Variants in KIF7 observed in about 807,000 individuals in gnomAD.
The protein encoded by KIF7 is kinesin family member 7.
In KIF7, 104 loss-of-function variants were observed where a neutral mutation model predicts 135.7. The observed-to-expected ratio is 0.77, with a 90% CI of 0.65 to 0.90. The LOEUF (loss-of-function observed/expected upper bound fraction) is 0.90, where lower values mean the gene tolerates loss of function less well. Among genes scored for constraint, KIF7 ranks in the 40% least tolerant of loss-of-function variants. The pLI, the probability that KIF7 is intolerant of heterozygous loss-of-function variation, is 0.00. For missense variants in KIF7, 2,005 were observed against 1,839.1 expected (o/e 1.09, Z -1.65); for synonymous variants, 883 against 809.4 (o/e 1.09, Z -1.54).
At chr15:89,643,454 G>A (rs1963957409) in intron 10 of KIF7, among the ~76,000 whole-genome samples, 1 of 152,144 alleles carries the variant, frequency 6.6e-6, no homozygotes, top group African/African-American at 2.4e-5. Flanking sequence ...CATTCACGGG[G>A]TCCTGGAACC....
intron 10 of KIF7, among the ~76,000 whole-genome samples, chr15:89,644,308 C>G (rs935639125): frequency 6.6e-6 from 1 of 152,216 alleles, no homozygotes; most frequent in Non-Finnish European, 1.5e-5. Context: ...CTCCATGACA[C>G]TCACTGTGTG....
intron 1 of KIF7, 51 bp from the exon 2 acceptor site, chr15:89,653,005 T>C: frequency 7.3e-7 from 1 of 1,367,610 alleles, no homozygotes; most frequent in South Asian, 1.5e-5. Flanking sequence ...CTCCAGGAGC[T>C]GGACTCACCC....
upstream of KIF7, among the ~76,000 whole-genome samples, chr15:89,659,807 T>C (rs1010231412): frequency 1.3e-5 from 2 of 152,254 alleles, no homozygotes; most frequent in Non-Finnish European, 1.5e-5. Context: ...TAGTTAATGA[T>C]ACACACACTT....
intron 11 of KIF7, among the ~76,000 whole-genome samples, chr15:89,634,286 A>G (rs113193417): frequency 0.041 from 6,167 of 152,266 alleles, 401 homozygotes; most frequent in African/African-American, 0.14. Flanking sequence ...GCAACACAGC[A>G]AGACTCTGAC....
chr15:89,646,687 C>G (rs1964019091), intron 7 of KIF7, 143 bp downstream of exon 7: 1 of 765,942 alleles, frequency 1.3e-6, no homozygotes, highest in Non-Finnish European at 2.3e-6. Context: ...CCTCTGGGGA[C>G]AGCTGAAAGC....
upstream of KIF7, among the ~76,000 whole-genome samples, chr15:89,659,573 C>T (rs537424286): frequency 4.6e-5 from 7 of 152,174 alleles, no homozygotes; most frequent in East Asian, 1.3e-3. Flanking sequence ...AGGGCAAATA[C>T]TTCACAAAAG....
downstream of KIF7, chr15:89,625,163 A>C: frequency 6.2e-7 from 1 of 1,613,848 alleles, no homozygotes; most frequent in Non-Finnish European, 8.5e-7. Context: ...AGCAAACCTG[A>C]ACCCACCTAT....
Position 89,633,056 on chromosome 15 carries a change from G to T in KIF7, c.2719-60C>A, listed in dbSNP as rs1005920096. On this transcript the variant is annotated intron_variant, in intron 13 of 18. Coordinates refer to ENST00000394412, the MANE Select transcript of KIF7 (RefSeq NM_198525.3). The stretch of plus-strand genomic sequence containing the variant: ...GGGCCCACCTCTGGCTGTGTCAGCC[G>T]CCACTCGAGGTTCACTGGGGAGAAA... 9 of 1,593,500 alleles carry T rather than the reference G, an allele frequency of 5.6e-6. No homozygotes were observed. The South Asian group carries it at 1.0e-4, about 18-fold the overall frequency.
At chr15:89,657,131 AG>A (rs1964214950), upstream of KIF7, among the ~76,000 whole-genome samples, 1 of 152,108 alleles carries the variant, frequency 6.6e-6, no homozygotes, top group African/African-American at 2.4e-5. Flanking sequence ...AATAGGGCAA[AG>A]CTGTTTCCAC....
At chr15:89,640,216 G>A (rs1027283904) in intron 11 of KIF7, among the ~76,000 whole-genome samples, 11 of 151,950 alleles carry the variant, frequency 7.2e-5, no homozygotes, top group South Asian at 2.1e-4. Flanking sequence ...TGGGTGCAGC[G>A]CACCAGCATG....
intron 3 of KIF7, 98 bp downstream of exon 3, chr15:89,649,643 G>C: frequency 7.5e-7 from 1 of 1,337,062 alleles, no homozygotes; most frequent in Non-Finnish European, 1.0e-6. Flanking sequence ...GGTTTTCCAT[G>C]AGGAGTTGCC....
chr15:89,650,829 G>A (rs904144658), intron 2 of KIF7, among the ~76,000 whole-genome samples: 1 of 151,980 alleles, frequency 6.6e-6, no homozygotes, highest in Admixed American at 6.6e-5. Flanking sequence ...TCCCAGCTCA[G>A]CCTCCCAAAG....
Position 89,629,536 on chromosome 15 carries a change from A to C in KIF7, c.3356T>G (p.Ile1119Ser). 1 of 1,609,944 alleles carries C rather than the reference A, an allele frequency of 6.2e-7. No homozygotes were observed. Among genetic ancestry groups the C allele is most frequent in the Non-Finnish European group, 8.5e-7 (1 of 1,179,972 alleles). Reference protein sequence around the residue: ...TLREEQHQQQIAFSELEMQLE... With the variant: ...TLREEQHQQQSAFSELEMQLE... ...CTGCATCTCCAGTTCCGAGAAGGCA[A>C]TCTGCTGCTGGTGCTGCTCCTCTCG... The change falls in exon 17 of 19, where the codon ATT becomes AGT. Residue 1119 changes from isoleucine (I) to serine (S), a missense_variant. Transcript: ENST00000394412.
downstream of KIF7, chr15:89,626,163 A>T: frequency 7.0e-7 from 1 of 1,434,848 alleles, no homozygotes; most frequent in Non-Finnish European, 9.5e-7. Flanking sequence ...AGGGAGTGCC[A>T]AGTGTGGGAT....
intron 14 of KIF7, 136 bp from the exon 15 acceptor site, chr15:89,631,846 G>A: frequency 1.3e-6 from 1 of 753,810 alleles, no homozygotes; most frequent in Non-Finnish European, 2.1e-6. Context: ...GCTCAGCAGG[G>A]AGACCAGACT....
At chr15:89,660,129 T>C (rs191146599), upstream of KIF7, among the ~76,000 whole-genome samples, 1,196 of 151,976 alleles carry the variant, frequency 7.9e-3, 8 homozygotes, top group Middle Eastern at 0.014. Flanking sequence ...ACCTGGGAGG[T>C]GGGGGTTGAA....
In KIF7 at chr15:89,646,046, C is replaced by A. The variant is rs760150904; in HGVS notation, c.1789-20G>T. Reference sequence around the variant, plus strand: ...CACCTGCTAGGGGAGTGAGCCATTTCCCATCCCAAGTCATCATCCCTGCGA... The same window carrying A: ...CACCTGCTAGGGGAGTGAGCCATTTACCATCCCAAGTCATCATCCCTGCGA... On this transcript the variant is annotated intron_variant, in intron 7 of 18. Coordinates refer to ENST00000394412, the MANE Select transcript of KIF7 (RefSeq NM_198525.3). 1 of 1,613,376 alleles carries A rather than the reference C, an allele frequency of 6.2e-7. No homozygotes were observed.
downstream of KIF7, chr15:89,627,672 G>A (rs1044694505): frequency 1.3e-5 from 2 of 153,490 alleles, no homozygotes; most frequent in Non-Finnish European, 2.9e-5. Flanking sequence ...AGTGGCTTCT[G>A]GAGCAGCCAC....
In KIF7 at chr15:89,629,256, G is replaced by A. The variant is rs1369539751; in HGVS notation, c.3517+119C>T. On this transcript the variant is annotated intron_variant, in intron 17 of 18. Coordinates refer to ENST00000394412, the MANE Select transcript of KIF7 (RefSeq NM_198525.3). ...GTGGGCCGGGCCACCAGGGCTGTAGGTGCAGGGGCTGTGAGTGGCAGGGGC... is the reference window on the plus strand; with the variant it reads ...GTGGGCCGGGCCACCAGGGCTGTAGATGCAGGGGCTGTGAGTGGCAGGGGC... 87 of 1,205,212 alleles carry A rather than the reference G, an allele frequency of 7.2e-5. No homozygotes were observed. In the Admixed American group the frequency reaches 1.7e-3, roughly 23 times the overall value. The allele number at this position is 1,205,212 out of a possible 1,614,324, so 74.7% of individuals were successfully genotyped here.
Sources: gnomAD v4.1 joint callset for allele counts (sites outside exome capture counted in the v4.1 genomes callset) on GRCh38, gnomAD v4.1.1 for gene constraint, MANE v1.5 for transcripts, NCBI Gene and HGNC (gene_info 2026-07-23, HGNC 2026-07-21) for gene names.